NTM: variants seen among roughly 807,000 people sequenced by gnomAD.
The protein encoded by NTM is neurotrimin, also known as IgLON family member 2.
A neutral mutation model predicts 42.1 loss-of-function variants in NTM; 13 were observed. The observed-to-expected ratio is 0.31, with a 90% CI of 0.20 to 0.49. The LOEUF (loss-of-function observed/expected upper bound fraction) is 0.49, where lower values mean the gene tolerates loss of function less well. Ranked by LOEUF, NTM falls within the 20% of genes least tolerant of loss-of-function variation. NTM has a pLI of 0.99. For missense variants in NTM, 373 were observed against 452.8 expected (o/e 0.82, Z 1.60); for synonymous variants, 187 against 179.2 (o/e 1.04, Z -0.35).
In NTM at chr11:131,643,686, C is replaced by T. The variant is rs144192436; in HGVS notation, c.83-267878C>T. 1.5e-3 allele frequency among the ~76,000 whole-genome samples: 232 copies of T among 152,284 alleles called. 1 individual carries two copies. Among genetic ancestry groups the T allele is most frequent in the African/African-American group, 3.8e-3 (157 of 41,580 alleles). ...CATCCATTCAACTGTTTAAAAAATA[C>T]GCATTGACTTCCTACTATGTGCTGT... On this transcript the variant is annotated intron_variant, in intron 1 of 8. Coordinates refer to ENST00000683400, the MANE Select transcript of NTM (RefSeq NM_001352005.2).
intron 1 of NTM, among the ~76,000 whole-genome samples, chr11:131,383,194 C>T (rs1399702117): frequency 6.6e-6 from 1 of 152,136 alleles, no homozygotes; most frequent in Non-Finnish European, 1.5e-5. Context: ...GATAAAAGAA[C>T]AACATAATCG....
rs185758538 is a variant in NTM at position 132,075,610 on chromosome 11, G to T, written c.168-70672G>T. ...CTCTTGTCATTTCCAAACAGCTCTG[G>T]ATTTTTCGAGCTATTATTAGCCTGG... On this transcript the variant is annotated intron_variant, in intron 2 of 8. Transcript: ENST00000683400. Among the ~76,000 whole-genome samples the T allele has an allele frequency of 9.3e-4, 141 of 152,244 alleles. 1 individual carries two copies. Among genetic ancestry groups the T allele is most frequent in the African/African-American group, 3.2e-3 (134 of 41,528 alleles).
chr11:131,874,922 A>G (rs2048338186), intron 1 of NTM, among the ~76,000 whole-genome samples: 1 of 152,182 alleles, frequency 6.6e-6, no homozygotes, highest in African/African-American at 2.4e-5. Flanking sequence ...TTTTCTATTA[A>G]CTAACTATGT....
chr11:132,143,737 C>G (rs1019359697), intron 2 of NTM, among the ~76,000 whole-genome samples: 10 of 152,162 alleles, frequency 6.6e-5, no homozygotes, highest in Admixed American at 6.5e-4. Context: ...AGATACATTA[C>G]TAGCAAAGCA....
At chr11:131,900,491 CAGA>C (rs1307926941) in intron 1 of NTM, among the ~76,000 whole-genome samples, 2 of 152,124 alleles carry the variant, frequency 1.3e-5, no homozygotes, top group Non-Finnish European at 2.9e-5. Flanking sequence ...CTGGCAAGAG[CAGA>C]AGGAGGACAT....
In NTM at chr11:131,428,472, G is replaced by C. The variant is rs938065489; in HGVS notation, c.82+57584G>C. On this transcript the variant is annotated intron_variant, in intron 1 of 8. Transcript: ENST00000683400. ...ATGCCCTCAGTGCCTTATCCTATGA[G>C]ACCTGCTTTGGATGGTGGCCCTCTT... Among the ~76,000 whole-genome samples, 11 of 152,114 alleles carry C rather than the reference G, an allele frequency of 7.2e-5. No homozygotes were observed. The Middle Eastern group carries it at 0.01, about 142-fold the overall frequency.
chr11:132,012,008 T>C (rs2072313696), intron 2 of NTM, among the ~76,000 whole-genome samples: 1 of 152,228 alleles, frequency 6.6e-6, no homozygotes, highest in African/African-American at 2.4e-5. Flanking sequence ...ATCCATATAA[T>C]ATAGTCATGT....
chr11:131,479,915 A>T (rs139150055), intron 1 of NTM, among the ~76,000 whole-genome samples: 2 of 152,190 alleles, frequency 1.3e-5, no homozygotes, highest in East Asian at 3.8e-4. Flanking sequence ...ATCAAAATCA[A>T]TGTTAAAAAA....
intron 2 of NTM, among the ~76,000 whole-genome samples, chr11:132,022,219 T>C (rs1457952502): frequency 6.6e-6 from 1 of 152,194 alleles, no homozygotes; most frequent in Non-Finnish European, 1.5e-5. Context: ...AGTTCAGAAG[T>C]TTCACAAGAA....
chr11:132,204,243 T>A lies in NTM; in HGVS notation c.401-7779T>A, dbSNP rs569896829. ...ATTTAATAAATGGTAATTATCAACATCATTATGTTCACTTACAGTCCTTGG... is the reference window on the plus strand; with the variant it reads ...ATTTAATAAATGGTAATTATCAACAACATTATGTTCACTTACAGTCCTTGG... On this transcript the variant is annotated intron_variant, in intron 3 of 8. Coordinates refer to ENST00000683400, the MANE Select transcript of NTM (RefSeq NM_001352005.2). 1.3e-4 allele frequency among the ~76,000 whole-genome samples: 20 copies of A among 152,348 alleles called. 1 individual carries two copies. In the South Asian group the frequency reaches 4.1e-3, roughly 32 times the overall value.
At chr11:132,317,759 G>GTGCAT in intron 7 of NTM, 1 of 919,554 alleles carries the variant, frequency 1.1e-6, no homozygotes, top group African/African-American at 1.7e-5. Context: ...TTCCCCTGCT[G>GTGCAT]TGCATTACCC....
chr11:131,633,696 TCCCTCTCTCCTTCTCTCCCTCC>T (rs2063959895), intron 1 of NTM, among the ~76,000 whole-genome samples: 5 of 82,672 alleles, frequency 6.0e-5, no homozygotes, highest in Admixed American at 1.4e-4. Context: ...TCTCTCTCCC[TCCCTCTCTCCTTCTCTCCCTCC>T]CTCTCTCTCT....
chr11:131,404,389 G>T (rs61901879), intron 1 of NTM, among the ~76,000 whole-genome samples: 2,065 of 152,168 alleles, frequency 0.014, 22 homozygotes, highest in South Asian at 0.023. Flanking sequence ...CGCCGTCCTG[G>T]CTTTCTTCTT....
At chr11:131,752,435 C>T (rs1339221303) in intron 1 of NTM, among the ~76,000 whole-genome samples, 1 of 152,174 alleles carries the variant, frequency 6.6e-6, no homozygotes, top group Non-Finnish European at 1.5e-5. Context: ...TTTTACATCG[C>T]TGGTGGGACT....
chr11:132,037,937 A>C (rs1256044835), intron 2 of NTM, among the ~76,000 whole-genome samples: 1 of 152,254 alleles, frequency 6.6e-6, no homozygotes, highest in Non-Finnish European at 1.5e-5. Flanking sequence ...GTGCACACAA[A>C]GTAATTGCAC....
At chr11:131,430,455 G>C (rs1232060809) in intron 1 of NTM, among the ~76,000 whole-genome samples, 2 of 152,158 alleles carry the variant, frequency 1.3e-5, no homozygotes, top group African/African-American at 4.8e-5. Context: ...ATGAGGACTT[G>C]CTTTCTCCAG....
chr11:132,163,094 G>A lies in NTM; in HGVS notation c.400+16580G>A, dbSNP rs115937061. On this transcript the variant is annotated intron_variant, in intron 3 of 8. Transcript: ENST00000683400. ...AGCCACCTGGAGCCCAGTGGAAGGA[G>A]CGTCTGCAGAGAGGCCCTGCCTGCC... Among the ~76,000 whole-genome samples, 553 of 152,328 alleles carry A rather than the reference G, an allele frequency of 3.6e-3. 4 individuals are homozygous for A. The highest frequency in any genetic ancestry group is 0.013 in the African/African-American group (542 of 41,562).
intron 1 of NTM, among the ~76,000 whole-genome samples, chr11:131,568,047 A>G (rs2057069465): frequency 1.3e-5 from 2 of 152,248 alleles, no homozygotes; most frequent in Non-Finnish European, 2.9e-5. Context: ...GCACAGTCCT[A>G]TGTGTTTTAC....
intron 1 of NTM, among the ~76,000 whole-genome samples, chr11:131,392,071 G>T (rs1021594920): frequency 2.0e-5 from 3 of 152,242 alleles, no homozygotes; most frequent in African/African-American, 4.8e-5. Flanking sequence ...TTTTGCCACT[G>T]CTCTAAAATA....
Sources: gnomAD v4.1 joint callset for allele counts (sites outside exome capture counted in the v4.1 genomes callset) on GRCh38, gnomAD v4.1.1 for gene constraint, MANE v1.5 for transcripts, NCBI Gene and HGNC (gene_info 2026-07-23, HGNC 2026-07-21) for gene names.